Variants in TLN2 observed in about 807,000 individuals in gnomAD.
The protein encoded by TLN2 is talin-2.
TLN2 carries 118 observed loss-of-function variants against 294.7 expected under a neutral mutation model. That is an observed-to-expected ratio of 0.40 (90% CI 0.34 to 0.47). The LOEUF is 0.47. Ranked by LOEUF, TLN2 falls within the 20% of genes least tolerant of loss-of-function variation. The pLI, the probability that TLN2 is intolerant of heterozygous loss-of-function variation, is 0.84. For missense variants in TLN2, 3,083 were observed against 3,282.2 expected (o/e 0.94, Z 1.48); for synonymous variants, 1,431 against 1,304.5 (o/e 1.10, Z -2.09).
intron 1 of TLN2, among the ~76,000 whole-genome samples, chr15:62,477,910 G>C (rs995189868): frequency 1.7e-5 from 2 of 120,916 alleles, no homozygotes; most frequent in South Asian, 3.4e-4. Flanking sequence ...GGAGGGGGGG[G>C]TGCAGCGGGG....
chr15:62,645,970 G>C (rs2899683), intron 3 of TLN2, among the ~76,000 whole-genome samples: 1 of 151,838 alleles, frequency 6.6e-6, no homozygotes, highest in African/African-American at 2.4e-5. Flanking sequence ...GACTGGCTTG[G>C]GTTAAGTGAG....
intron 1 of TLN2, among the ~76,000 whole-genome samples, chr15:62,421,799 G>A (rs748762207): frequency 1.3e-5 from 2 of 151,984 alleles, no homozygotes; most frequent in African/African-American, 2.4e-5. Context: ...ATTTGCACAT[G>A]TAACCCTGAA....
intron 41 of TLN2, 46 bp downstream of exon 41, chr15:62,766,468 A>G (rs780810896): frequency 6.5e-6 from 10 of 1,547,934 alleles, no homozygotes; most frequent in Non-Finnish European, 8.0e-6. Flanking sequence ...GTGTTATCAC[A>G]GGAGAGAGGG....
chr15:62,672,683 C>T (rs1382553285), intron 9 of TLN2, among the ~76,000 whole-genome samples: 1 of 152,098 alleles, frequency 6.6e-6, no homozygotes, highest in African/African-American at 2.4e-5. Flanking sequence ...TTATACATTT[C>T]CTGCCTCAGA....
In TLN2 at chr15:62,836,056, G is replaced by A. The variant is rs753148913; in HGVS notation, c.7357G>A (p.Ala2453Thr). 3 of 1,610,670 alleles carry A rather than the reference G, an allele frequency of 1.9e-6. No homozygotes were observed. The highest frequency in any genetic ancestry group is 2.7e-5 in the African/African-American group (2 of 74,884). Residue 2453 changes from alanine to threonine, a missense_variant, in exon 57 of 59, where the codon GCC becomes ACC. By Grantham distance (58) the Ala-to-Thr change is moderately conservative. Transcript: ENST00000636159. ...CKVKADQDSE[A>T]MRRLQAAGNA... ...GGTGAAGGCCGACCAGGATTCAGAG[G>A]CCATGAGGCGGCTACAGGTAATGGT...
intron 12 of TLN2, 81 bp from the exon 13 acceptor site, chr15:62,692,759 T>G: frequency 1.9e-6 from 2 of 1,031,068 alleles, no homozygotes; most frequent in Non-Finnish European, 3.0e-6. Context: ...TATGTCATAT[T>G]GTTCTAGAGC....
intron 54 of TLN2, chr15:62,831,578 C>T (rs954403618): frequency 6.6e-5 from 10 of 152,050 alleles, no homozygotes; most frequent in South Asian, 4.2e-4. Context: ...GGATCATTTC[C>T]GTATTTCAGT....
intron 3 of TLN2, among the ~76,000 whole-genome samples, chr15:62,634,014 G>T (rs749585785): frequency 6.6e-6 from 1 of 152,072 alleles, no homozygotes; most frequent in Non-Finnish European, 1.5e-5. Flanking sequence ...TAAGGACAAC[G>T]GTCAATTCGG....
chr15:62,705,616 T>G (rs1429494825), intron 19 of TLN2, among the ~76,000 whole-genome samples: 1 of 152,208 alleles, frequency 6.6e-6, no homozygotes, highest in African/African-American at 2.4e-5. Context: ...AAAAGATGAA[T>G]TCATATCAAG....
intron 28 of TLN2, among the ~76,000 whole-genome samples, chr15:62,728,217 G>A (rs1192163213): frequency 2.0e-5 from 3 of 152,160 alleles, no homozygotes; most frequent in Admixed American, 2.0e-4. Context: ...TGAGCTGTAA[G>A]TAAATGGAAT....
intron 1 of TLN2, among the ~76,000 whole-genome samples, chr15:62,480,297 T>G (rs1380680645): frequency 6.6e-6 from 1 of 152,242 alleles, no homozygotes; most frequent in Non-Finnish European, 1.5e-5. Flanking sequence ...CACTGCGACC[T>G]CTGCCTCCTG....
intron 1 of TLN2, among the ~76,000 whole-genome samples, chr15:62,468,063 T>A (rs183764244): frequency 6.6e-6 from 1 of 152,230 alleles, no homozygotes; most frequent in Admixed American, 6.5e-5. Context: ...AAGTTTTCCT[T>A]CCATCCTTTT....
intron 1 of TLN2, among the ~76,000 whole-genome samples, chr15:62,433,011 C>T (rs998442579): frequency 6.6e-6 from 1 of 152,094 alleles, no homozygotes; most frequent in East Asian, 1.9e-4. Context: ...CACTTGGTTT[C>T]TATTTTAAGA....
At chr15:62,743,323 C>T (rs1289503273) in intron 32 of TLN2, among the ~76,000 whole-genome samples, 2 of 151,966 alleles carry the variant, frequency 1.3e-5, no homozygotes, top group African/African-American at 2.4e-5. Flanking sequence ...TCAGCCCTGT[C>T]CCACTCCTGT....
chr15:62,613,893 A>G (rs1232530526), intron 2 of TLN2, among the ~76,000 whole-genome samples: 1 of 151,836 alleles, frequency 6.6e-6, no homozygotes, highest in Non-Finnish European at 1.5e-5. Flanking sequence ...AGTTCCTTTT[A>G]AATAAAATTC....
rs114017143 is a variant in TLN2 at position 62,805,033 on chromosome 15, A to C, written c.6478-567A>C. 8.4e-3 allele frequency among the ~76,000 whole-genome samples: 1,280 copies of C among 152,298 alleles called. 23 individuals carry two copies. The highest frequency in any genetic ancestry group is 0.029 in the African/African-American group (1,190 of 41,550). On this transcript the variant is annotated intron_variant, in intron 50 of 58. Transcript: ENST00000636159. ...GGGTCGGTGGGTTGCTAAATAATTC[A>C]CAGTGTCACCATGGCGCACTCGACG...
At chr15:62,728,118 G>A (rs903038597) in intron 28 of TLN2, among the ~76,000 whole-genome samples, 6 of 152,114 alleles carry the variant, frequency 3.9e-5, no homozygotes, top group African/African-American at 1.2e-4. Flanking sequence ...GCTCCCTTGT[G>A]CCCCCTCCCA....
chr15:62,467,879 C>T (rs920775198), intron 1 of TLN2, among the ~76,000 whole-genome samples: 2 of 152,140 alleles, frequency 1.3e-5, no homozygotes, highest in African/African-American at 4.8e-5. Context: ...TTTATAATCC[C>T]TGCGGGGCCA....
intron 3 of TLN2, among the ~76,000 whole-genome samples, chr15:62,634,580 T>C (rs946686892): frequency 6.6e-6 from 1 of 152,232 alleles, no homozygotes; most frequent in African/African-American, 2.4e-5. Context: ...AAGTAATATG[T>C]ACGTGTCCAG....
Sources: allele counts gnomAD v4.1 joint callset (sites outside exome capture counted in the v4.1 genomes callset), GRCh38; gene constraint gnomAD v4.1.1; transcripts MANE v1.5; gene names NCBI Gene and HGNC (gene_info 2026-07-23, HGNC 2026-07-21).